GALNTL6: variants seen among roughly 807,000 people sequenced by gnomAD.
GALNTL6 encodes polypeptide N-acetylgalactosaminyltransferase-like 6.
In GALNTL6, 46 loss-of-function variants were observed where a neutral mutation model predicts 73.7. The observed-to-expected ratio is 0.62, with a 90% CI of 0.49 to 0.80. GALNTL6 has a LOEUF of 0.80. GALNTL6 is among the 30% of genes least tolerant of loss of function. The pLI, the probability that GALNTL6 is intolerant of heterozygous loss-of-function variation, is 0.00. For synonymous variants in GALNTL6, 259 were observed against 263.7 expected (o/e 0.98, Z 0.17); for missense variants, 604 against 755.0 (o/e 0.80, Z 2.34).
intron 2 of GALNTL6, among the ~76,000 whole-genome samples, chr4:172,159,721 A>C (rs542841129): frequency 1.3e-5 from 2 of 152,208 alleles, no homozygotes; most frequent in African/African-American, 4.8e-5. Context: ...TAAGAACTTT[A>C]GATTTTAACC....
At chr4:172,281,937 C>T (rs544982613) in intron 3 of GALNTL6, among the ~76,000 whole-genome samples, 1 of 151,654 alleles carries the variant, frequency 6.6e-6, no homozygotes, top group East Asian at 1.9e-4. Context: ...TTTAATGTAG[C>T]ATTATTGTGG....
At chr4:172,052,676 G>A in intron 2 of GALNTL6, 2 of 528,602 alleles carry the variant, frequency 3.8e-6, no homozygotes, top group South Asian at 2.9e-5. Context: ...TTTGCCCAGG[G>A]TAGACAAGGT....
intron 2 of GALNTL6, among the ~76,000 whole-genome samples, chr4:172,206,993 A>AT (rs1296039900): frequency 2.7e-5 from 4 of 150,294 alleles, no homozygotes; most frequent in African/African-American, 4.9e-5. Context: ...AGTTTTTTGT[A>AT]TTTTTAGTAG....
At chr4:172,395,273 A>T (rs746079938) in intron 5 of GALNTL6, among the ~76,000 whole-genome samples, 34 of 119,338 alleles carry the variant, frequency 2.8e-4, no homozygotes, top group Non-Finnish European at 4.7e-4. Flanking sequence ...CTTGTAGCTT[A>T]AAAAAAATCA....
chr4:172,142,236 A>G (rs2110740528), intron 2 of GALNTL6, among the ~76,000 whole-genome samples: 1 of 152,216 alleles, frequency 6.6e-6, no homozygotes, highest in African/African-American at 2.4e-5. Context: ...TTACATGACT[A>G]GAAACAACTG....
chr4:172,058,568 G>A (rs907061882), intron 2 of GALNTL6, among the ~76,000 whole-genome samples: 4 of 151,914 alleles, frequency 2.6e-5, no homozygotes, highest in Admixed American at 2.6e-4. Context: ...TTGCATGTGT[G>A]CACACCTGCA....
chr4:172,949,329 C>T (rs1397735513), intron 9 of GALNTL6, among the ~76,000 whole-genome samples: 1 of 152,138 alleles, frequency 6.6e-6, no homozygotes, highest in Non-Finnish European at 1.5e-5. Context: ...AAACAGAGTC[C>T]TGAGGGACAG....
intron 5 of GALNTL6, among the ~76,000 whole-genome samples, chr4:172,610,324 A>C (rs528882706): frequency 1.4e-3 from 213 of 152,056 alleles, no homozygotes; most frequent in Non-Finnish European, 2.4e-3. Flanking sequence ...TACCTTTTTG[A>C]TATGGGCACT....
chr4:172,754,530 C>A (rs1435263934), intron 5 of GALNTL6, among the ~76,000 whole-genome samples: 1 of 152,100 alleles, frequency 6.6e-6, no homozygotes, highest in African/African-American at 2.4e-5. Context: ...CGAGATCGCA[C>A]CATTGCACTC....
chr4:172,488,354 G>A (rs1303516508), intron 5 of GALNTL6, among the ~76,000 whole-genome samples: 2 of 152,202 alleles, frequency 1.3e-5, no homozygotes, highest in Non-Finnish European at 2.9e-5. Context: ...CCCCTGCTAC[G>A]TGATGGCCAG....
intron 2 of GALNTL6, among the ~76,000 whole-genome samples, chr4:172,103,949 CTT>C (rs369503993): frequency 3.5e-5 from 5 of 141,472 alleles, no homozygotes; most frequent in Admixed American, 1.4e-4. Context: ...TTCTTTTTCT[CTT>C]TTTTTTTTTT....
At chr4:172,526,958 A>G (rs1340595163) in intron 5 of GALNTL6, among the ~76,000 whole-genome samples, 5 of 151,984 alleles carry the variant, frequency 3.3e-5, no homozygotes, top group South Asian at 2.1e-4. Flanking sequence ...GTGCTGCACT[A>G]TGTTGATAAT....
chr4:173,002,744 G>T (rs921009506), intron 10 of GALNTL6, among the ~76,000 whole-genome samples: 1 of 145,934 alleles, frequency 6.9e-6, no homozygotes, highest in Non-Finnish European at 1.5e-5. Context: ...GCAGTGAGCC[G>T]AGATCGGGCC....
intron 5 of GALNTL6, among the ~76,000 whole-genome samples, chr4:172,521,927 A>G (rs548220919): frequency 6.6e-6 from 1 of 152,336 alleles, no homozygotes; most frequent in Non-Finnish European, 1.5e-5. Context: ...AAGGATGATT[A>G]TATTGTGTGC....
chr4:171,984,948 T>G (rs332986), intron 2 of GALNTL6, among the ~76,000 whole-genome samples: 3 of 151,786 alleles, frequency 2.0e-5, no homozygotes, highest in African/African-American at 7.3e-5. Flanking sequence ...GTCAGGAGAT[T>G]AAGACCATCA....
intron 5 of GALNTL6, among the ~76,000 whole-genome samples, chr4:172,358,317 A>G (rs1017291514): frequency 1.1e-4 from 16 of 152,220 alleles, no homozygotes; most frequent in African/African-American, 3.6e-4. Flanking sequence ...TAGAAAGGGT[A>G]GGAAAAATAA....
chr4:172,413,064 C>G (rs759797856), intron 5 of GALNTL6, among the ~76,000 whole-genome samples: 1 of 152,168 alleles, frequency 6.6e-6, no homozygotes, highest in Non-Finnish European at 1.5e-5. Context: ...CCTCAGAAGA[C>G]TCCCACTTAG....
chr4:172,215,371 G>C (rs1198274438), intron 2 of GALNTL6, among the ~76,000 whole-genome samples: 2 of 152,014 alleles, frequency 1.3e-5, no homozygotes, highest in Admixed American at 1.3e-4. Context: ...TGTAGCAATG[G>C]ATTTGTCTAT....
chr4:171,943,528 T>G (rs958799975), intron 2 of GALNTL6, among the ~76,000 whole-genome samples: 1 of 152,182 alleles, frequency 6.6e-6, no homozygotes, highest in Non-Finnish European at 1.5e-5. Flanking sequence ...TATATTTGTC[T>G]CTCTTACTTA....
Sources: gnomAD v4.1 joint callset for allele counts (sites outside exome capture counted in the v4.1 genomes callset) on GRCh38, gnomAD v4.1.1 for gene constraint, MANE v1.5 for transcripts, NCBI Gene and HGNC (gene_info 2026-07-23, HGNC 2026-07-21) for gene names.